The following RASGRF2 variants were observed in gnomAD, a reference collection of about 807,000 sequenced individuals.
RASGRF2 encodes Ras protein specific guanine nucleotide releasing factor 2, also known as ras-specific guanine nucleotide-releasing factor 2.
RASGRF2 carries 76 observed loss-of-function variants against 151.0 expected under a neutral mutation model. The observed-to-expected ratio is 0.50, with a 90% CI of 0.42 to 0.61. The LOEUF is 0.61. RASGRF2 is among the 20% of genes least tolerant of loss of function. RASGRF2 has a pLI of 0.00. For synonymous variants in RASGRF2, 504 were observed against 566.5 expected (o/e 0.89, Z 1.57); for missense variants, 1,148 against 1,564.6 (o/e 0.73, Z 4.49).
chr5:81,212,647 GA>G, intron 23 of RASGRF2, 84 bp downstream of exon 23: 1 of 1,304,606 alleles, frequency 7.7e-7, no homozygotes. Context: ...TACTAATTAG[GA>G]AATCATTAAC....
At chr5:81,203,679 A>G (rs1755444517) in intron 19 of RASGRF2, among the ~76,000 whole-genome samples, 1 of 152,208 alleles carries the variant, frequency 6.6e-6, no homozygotes, top group South Asian at 2.1e-4. Flanking sequence ...CCATTTATGG[A>G]TGTCAAGTTC....
chr5:81,167,819 A>G (rs542361017), intron 17 of RASGRF2, among the ~76,000 whole-genome samples: 1 of 152,304 alleles, frequency 6.6e-6, no homozygotes, highest in South Asian at 2.1e-4. Context: ...CCGACTCGGC[A>G]CTCAGACACA....
intron 1 of RASGRF2, among the ~76,000 whole-genome samples, chr5:80,992,329 T>G (rs916622425): frequency 1.7e-4 from 26 of 152,046 alleles, no homozygotes; most frequent in Non-Finnish European, 3.1e-4. Flanking sequence ...GAAAATTGTC[T>G]CCCCAATCCC....
chr5:81,207,114 AT>A (rs1377785753), intron 20 of RASGRF2, 131 bp from the exon 21 acceptor site: 3 of 867,668 alleles, frequency 3.5e-6, no homozygotes, highest in Admixed American at 2.5e-5. Flanking sequence ...GCTTTCTGCC[AT>A]TTTTTTCATA....
At chr5:81,197,671 A>T (rs1018552953) in intron 18 of RASGRF2, among the ~76,000 whole-genome samples, 4 of 152,200 alleles carry the variant, frequency 2.6e-5, no homozygotes, top group Non-Finnish European at 5.9e-5. Context: ...GCAATTAACA[A>T]TGTTCTCTCC....
intron 17 of RASGRF2, among the ~76,000 whole-genome samples, chr5:81,127,523 G>A (rs1374157181): frequency 2.0e-5 from 3 of 151,184 alleles, no homozygotes; most frequent in Non-Finnish European, 3.0e-5. Context: ...ACCCTATCTC[G>A]ACAAAACAAA....
At chr5:81,031,886 A>C (rs1158689525) in intron 1 of RASGRF2, among the ~76,000 whole-genome samples, 3 of 152,174 alleles carry the variant, frequency 2.0e-5, no homozygotes, top group Non-Finnish European at 4.4e-5. Context: ...AGATCAACAA[A>C]ATTGATAGAC....
chr5:80,984,319 C>G (rs953628978), intron 1 of RASGRF2, among the ~76,000 whole-genome samples: 1 of 152,194 alleles, frequency 6.6e-6, no homozygotes, highest in Non-Finnish European at 1.5e-5. Flanking sequence ...CTCCCAGGTG[C>G]TGGGATTATA....
At chr5:80,984,454 T>G (rs1420251995) in intron 1 of RASGRF2, among the ~76,000 whole-genome samples, 1 of 152,260 alleles carries the variant, frequency 6.6e-6, no homozygotes, top group Non-Finnish European at 1.5e-5. Flanking sequence ...ATTTAATTGA[T>G]GTAAACTCTT....
At chr5:81,046,887 A>G (rs1181733203) in intron 2 of RASGRF2, among the ~76,000 whole-genome samples, 1 of 152,116 alleles carries the variant, frequency 6.6e-6, no homozygotes, top group Non-Finnish European at 1.5e-5. Context: ...CTGGACATGG[A>G]TCCAGTTGTA....
At chr5:81,180,358 C>T in intron 18 of RASGRF2, 77 bp downstream of exon 18, 2 of 862,736 alleles carry the variant, frequency 2.3e-6, no homozygotes, top group Non-Finnish European at 3.9e-6. Context: ...ACATGTAAAA[C>T]ACCTCCCTAC....
At chr5:81,031,309 A>G (rs530796487) in intron 1 of RASGRF2, among the ~76,000 whole-genome samples, 1 of 152,356 alleles carries the variant, frequency 6.6e-6, no homozygotes, top group South Asian at 2.1e-4. Context: ...CCTAATAGAC[A>G]TCTACAGAAC....
At chr5:81,200,953 TG>T (rs985292203) in intron 18 of RASGRF2, among the ~76,000 whole-genome samples, 1 of 151,628 alleles carries the variant, frequency 6.6e-6, no homozygotes, top group Admixed American at 6.6e-5. Context: ...TGGTGTGTGT[TG>T]GGGGCGTGGT....
intron 17 of RASGRF2, among the ~76,000 whole-genome samples, chr5:81,155,320 A>C (rs1754235496): frequency 6.6e-6 from 1 of 152,166 alleles, no homozygotes; most frequent in African/African-American, 2.4e-5. Context: ...GACCAAACCC[A>C]AAGCAAACAG....
intron 1 of RASGRF2, among the ~76,000 whole-genome samples, chr5:80,963,009 A>G (rs778877080): frequency 1.8e-4 from 27 of 152,166 alleles, no homozygotes; most frequent in Non-Finnish European, 2.6e-4. Context: ...AACCTTCCAC[A>G]TTTTGTCTTG....
intron 17 of RASGRF2, among the ~76,000 whole-genome samples, chr5:81,156,364 G>A (rs1231183637): frequency 6.6e-6 from 1 of 152,174 alleles, no homozygotes; most frequent in East Asian, 1.9e-4. Flanking sequence ...TATGAGGACA[G>A]CATTACCTTG....
At chr5:80,975,010 C>T (rs1321500082) in intron 1 of RASGRF2, among the ~76,000 whole-genome samples, 1 of 152,122 alleles carries the variant, frequency 6.6e-6, no homozygotes, top group East Asian at 1.9e-4. Flanking sequence ...GCCCTAATTT[C>T]TAAAGTATAG....
chr5:80,988,008 C>CGTGT (rs58750663), intron 1 of RASGRF2, among the ~76,000 whole-genome samples: 4,328 of 139,426 alleles, frequency 0.031, 76 homozygotes, highest in Middle Eastern at 0.051. Context: ...AATAAATGTG[C>CGTGT]GTGTGTGTGT....
intron 2 of RASGRF2, among the ~76,000 whole-genome samples, chr5:81,063,418 T>C (rs968353099): frequency 6.6e-6 from 1 of 152,134 alleles, no homozygotes; most frequent in African/African-American, 2.4e-5. Flanking sequence ...GGCTAATTTT[T>C]TGTATTTTAG....
Sources: allele counts gnomAD v4.1 joint callset (sites outside exome capture counted in the v4.1 genomes callset), GRCh38; gene constraint gnomAD v4.1.1; transcripts MANE v1.5; gene names NCBI Gene and HGNC (gene_info 2026-07-23, HGNC 2026-07-21).